CELF4: variants seen among roughly 807,000 people sequenced by gnomAD.
The protein encoded by CELF4 is CUG-BP- and ETR-3-like factor 4.
A neutral mutation model predicts 59.9 loss-of-function variants in CELF4; 18 were observed. That is an observed-to-expected ratio of 0.30 (90% CI 0.21 to 0.45). The LOEUF is 0.45. Ranked by LOEUF, CELF4 falls within the 20% of genes least tolerant of loss-of-function variation. CELF4 has a pLI of 1.00. For missense variants in CELF4, 456 were observed against 689.0 expected, an observed-to-expected ratio of 0.66 and a Z score of 3.79; for synonymous variants, 261 against 267.1, an observed-to-expected ratio of 0.98 and a Z score of 0.22.
chr18:37,497,760 A>G (rs919914069), intron 1 of CELF4, among the ~76,000 whole-genome samples: 2 of 152,146 alleles, frequency 1.3e-5, no homozygotes, highest in South Asian at 2.1e-4. Flanking sequence ...TGCAGGGCCT[A>G]TTGGTGGCAC....
chr18:37,370,431 C>A (rs1158748013), intron 2 of CELF4, among the ~76,000 whole-genome samples: 1 of 152,172 alleles, frequency 6.6e-6, no homozygotes, highest in African/African-American at 2.4e-5. Flanking sequence ...TCTCCAGACC[C>A]AGTAGGAATC....
chr18:37,445,805 G>A (rs1266220630), intron 2 of CELF4, among the ~76,000 whole-genome samples: 1 of 152,146 alleles, frequency 6.6e-6, no homozygotes, highest in African/African-American at 2.4e-5. Context: ...GGCAGACAGG[G>A]AAATGGCCAC....
chr18:37,335,175 C>T (rs945911131), intron 2 of CELF4, among the ~76,000 whole-genome samples: 12 of 152,060 alleles, frequency 7.9e-5, no homozygotes, highest in South Asian at 2.1e-4. Flanking sequence ...ACAACAGCCG[C>T]GCACCGCCAT....
intron 2 of CELF4, among the ~76,000 whole-genome samples, chr18:37,459,023 T>C (rs1443162803): frequency 1.3e-5 from 2 of 152,228 alleles, no homozygotes; most frequent in Admixed American, 1.3e-4. Flanking sequence ...CTTGCAAAGC[T>C]TGCCTTGGTC....
At chr18:37,548,654 T>C (rs1291170168) in intron 1 of CELF4, among the ~76,000 whole-genome samples, 1 of 152,208 alleles carries the variant, frequency 6.6e-6, no homozygotes, top group Non-Finnish European at 1.5e-5. Context: ...TTTTAACTTT[T>C]GCACCGTGTT....
intron 2 of CELF4, among the ~76,000 whole-genome samples, chr18:37,431,505 C>A (rs969852375): frequency 2.0e-5 from 3 of 151,472 alleles, no homozygotes; most frequent in African/African-American, 7.3e-5. Flanking sequence ...GTAGCTGGGA[C>A]TACAGGCGCC....
At chr18:37,332,238 T>C (rs773542176) in intron 2 of CELF4, among the ~76,000 whole-genome samples, 1 of 152,030 alleles carries the variant, frequency 6.6e-6, no homozygotes, top group African/African-American at 2.4e-5. Flanking sequence ...GACCCCTCAC[T>C]CCAGTCCAAG....
chr18:37,259,315 GAAGAGAGAGACAGAGGAGAGGTGA>G, intron 10 of CELF4, 51 bp from the exon 11 acceptor site: 1 of 548,140 alleles, frequency 1.8e-6, no homozygotes, highest in Non-Finnish European at 3.0e-6. Context: ...CAGGGTGGGG[GAAGAGAGAGACAGAGGAGAGGTGA>G]GCGAGTTAGG....
intron 2 of CELF4, among the ~76,000 whole-genome samples, chr18:37,380,530 T>C (rs981254619): frequency 1.3e-5 from 2 of 152,104 alleles, no homozygotes; most frequent in Admixed American, 6.5e-5. Flanking sequence ...CCATTCATCA[T>C]CCATCCATTC....
At chr18:37,550,454 C>G (rs2099982828) in intron 1 of CELF4, among the ~76,000 whole-genome samples, 2 of 152,196 alleles carry the variant, frequency 1.3e-5, no homozygotes, top group Admixed American at 1.3e-4. Flanking sequence ...GGAGCATGAA[C>G]CAAGAAGCCC....
At chr18:37,560,203 A>G (rs1409533531) in intron 1 of CELF4, among the ~76,000 whole-genome samples, 2 of 152,230 alleles carry the variant, frequency 1.3e-5, no homozygotes, top group Non-Finnish European at 2.9e-5. Flanking sequence ...CCTGGTTTCC[A>G]TATGTGTGGG....
At chr18:37,346,491 G>A (rs1165909314) in intron 2 of CELF4, among the ~76,000 whole-genome samples, 1 of 152,208 alleles carries the variant, frequency 6.6e-6, no homozygotes, top group East Asian at 1.9e-4. Context: ...CAAGCACCTA[G>A]TACATACCAG....
At chr18:37,516,193 C>T (rs1235932061) in intron 1 of CELF4, among the ~76,000 whole-genome samples, 1 of 152,188 alleles carries the variant, frequency 6.6e-6, no homozygotes, top group Non-Finnish European at 1.5e-5. Context: ...AACATCCCTT[C>T]CTGCCCCCTG....
intron 2 of CELF4, among the ~76,000 whole-genome samples, chr18:37,460,464 GCTA>G (rs2099790506): frequency 6.6e-6 from 1 of 152,176 alleles, no homozygotes; most frequent in Non-Finnish European, 1.5e-5. Flanking sequence ...CTGCTTCTGT[GCTA>G]TGGAATGGCC....
chr18:37,258,019 TC>T (rs1176702779), intron 11 of CELF4, among the ~76,000 whole-genome samples: 1 of 152,196 alleles, frequency 6.6e-6, no homozygotes, highest in East Asian at 1.9e-4. Flanking sequence ...AAGCTTCACA[TC>T]AACAATAAAT....
At chr18:37,428,081 TGTCC>T (rs2099625334) in intron 2 of CELF4, among the ~76,000 whole-genome samples, 1 of 152,266 alleles carries the variant, frequency 6.6e-6, no homozygotes, top group Admixed American at 6.5e-5. Context: ...AGCAGCTACC[TGTCC>T]ACTGAATGAG....
At chr18:37,271,702 G>T (rs1024391131) in intron 7 of CELF4, among the ~76,000 whole-genome samples, 4 of 152,102 alleles carry the variant, frequency 2.6e-5, no homozygotes, top group Admixed American at 6.6e-5. Context: ...GCCTTCTCTC[G>T]TACTGAGGCA....
intron 1 of CELF4, among the ~76,000 whole-genome samples, chr18:37,545,979 CA>C (rs2099981300): frequency 6.6e-6 from 1 of 152,198 alleles, no homozygotes. Context: ...AGGTTGCCCA[CA>C]ACCACACGTG....
chr18:37,394,264 G>A (rs12456973), intron 2 of CELF4, among the ~76,000 whole-genome samples: 406 of 152,342 alleles, frequency 2.7e-3, no homozygotes, highest in Non-Finnish European at 4.4e-3. Flanking sequence ...GGGCAGCGCA[G>A]AGCAGGGAGA....
Sources: gnomAD v4.1 joint callset for allele counts (sites outside exome capture counted in the v4.1 genomes callset) on GRCh38, gnomAD v4.1.1 for gene constraint, MANE v1.5 for transcripts, NCBI Gene and HGNC (gene_info 2026-07-23, HGNC 2026-07-21) for gene names.